The following TENM2 variants were observed in gnomAD, a reference collection of about 807,000 sequenced individuals.
TENM2 encodes teneurin transmembrane protein 2, also known as teneurin-2.
Under a neutral mutation model 245.2 loss-of-function variants are expected in TENM2, and 52 were observed. The ratio of observed to expected loss-of-function variants is 0.21; its 90% CI spans 0.17 to 0.27. The LOEUF (loss-of-function observed/expected upper bound fraction) is 0.27. Ranked by LOEUF, TENM2 falls within the 10% of genes least tolerant of loss-of-function variation. The pLI, the probability that TENM2 is intolerant of heterozygous loss-of-function variation, is 1.00. For missense variants in TENM2, 3,046 were observed against 3,666.8 expected (o/e 0.83, Z 4.37); for synonymous variants, 1,363 against 1,438.9 (o/e 0.95, Z 1.19).
At chr5:167,931,210 T>C (rs1303951950) in intron 3 of TENM2, among the ~76,000 whole-genome samples, 5 of 152,198 alleles carry the variant, frequency 3.3e-5, no homozygotes, top group African/African-American at 1.2e-4. Flanking sequence ...GAAAAATCTC[T>C]AGGAAAATAA....
At chr5:167,054,055 G>C in the TENM2 span, among the ~76,000 whole-genome samples, 1 of 152,098 alleles carries the variant, frequency 6.6e-6, no homozygotes, top group East Asian at 1.9e-4. Flanking sequence ...ATCATCCAAA[G>C]TCCATAGTTT....
the TENM2 span, among the ~76,000 whole-genome samples, chr5:167,143,558 T>G: frequency 6.6e-6 from 1 of 152,206 alleles, no homozygotes; most frequent in East Asian, 1.9e-4. Context: ...AGTAAACTCT[T>G]TCTTGTATGA....
chr5:168,006,534 T>C (rs1784833363), intron 5 of TENM2, among the ~76,000 whole-genome samples: 1 of 152,212 alleles, frequency 6.6e-6, no homozygotes, highest in South Asian at 2.1e-4. Flanking sequence ...ATTTAAAATA[T>C]AATTCCAAAT....
intron 2 of TENM2, among the ~76,000 whole-genome samples, chr5:167,763,300 G>C (rs1196179533): frequency 6.6e-6 from 1 of 152,130 alleles, no homozygotes; most frequent in African/African-American, 2.4e-5. Flanking sequence ...ACCATAGAGA[G>C]CACAACTTTT....
upstream of TENM2, among the ~76,000 whole-genome samples, chr5:167,282,646 T>C (rs1466443353): frequency 6.6e-6 from 1 of 152,160 alleles, no homozygotes; most frequent in East Asian, 1.9e-4. Flanking sequence ...AGAAACTGAG[T>C]TCAAAAGACC....
chr5:167,358,799 A>G (rs1759509147), intron 1 of TENM2, among the ~76,000 whole-genome samples: 1 of 125,018 alleles, frequency 8.0e-6, no homozygotes. Flanking sequence ...TGAAATTCTG[A>G]TCTGCACACA....
intron 2 of TENM2, among the ~76,000 whole-genome samples, chr5:167,409,232 G>T (rs750238953): frequency 7.9e-5 from 12 of 151,832 alleles, no homozygotes; most frequent in Non-Finnish European, 1.2e-4. Context: ...TTATTCTTAT[G>T]ATCAGGAGTA....
intron 2 of TENM2, among the ~76,000 whole-genome samples, chr5:167,380,317 T>C (rs994440252): frequency 1.3e-5 from 2 of 152,138 alleles, no homozygotes; most frequent in African/African-American, 4.8e-5. Context: ...GAATATCACA[T>C]TGTCACATGG....
chr5:167,870,552 T>G (rs1310692060), intron 2 of TENM2, among the ~76,000 whole-genome samples: 1 of 129,472 alleles, frequency 7.7e-6, no homozygotes, highest in Admixed American at 7.5e-5. Context: ...AGAATGTGTA[T>G]ACATATATAT....
intron 9 of TENM2, among the ~76,000 whole-genome samples, chr5:168,115,427 A>G (rs112959039): frequency 0.045 from 5,031 of 113,036 alleles, 232 homozygotes; most frequent in Non-Finnish European, 0.066. Flanking sequence ...AAGGAAGGAA[A>G]GAAAAAAAAA....
At chr5:168,004,506 TGCGC>T (rs760281726) in intron 5 of TENM2, among the ~76,000 whole-genome samples, 33 of 97,768 alleles carry the variant, frequency 3.4e-4, no homozygotes, top group Non-Finnish European at 6.1e-4. Context: ...GATGCACGCA[TGCGC>T]GCGCGCGCAC....
intron 5 of TENM2, among the ~76,000 whole-genome samples, chr5:168,033,586 G>A (rs1263601942): frequency 6.6e-6 from 1 of 152,144 alleles, no homozygotes; most frequent in Non-Finnish European, 1.5e-5. Context: ...TTTTTAGACA[G>A]AAGTTTTCAA....
intron 2 of TENM2, among the ~76,000 whole-genome samples, chr5:167,593,816 G>A (rs1776032318): frequency 6.6e-6 from 1 of 152,154 alleles, no homozygotes. Flanking sequence ...GTGGATCTTT[G>A]CATTTCTTTT....
At chr5:168,112,637 A>G (rs1241454468) in intron 9 of TENM2, among the ~76,000 whole-genome samples, 1 of 127,952 alleles carries the variant, frequency 7.8e-6, no homozygotes, top group Non-Finnish European at 1.7e-5. Context: ...TTACTTTTCT[A>G]CCAGATGGAT....
the TENM2 span, among the ~76,000 whole-genome samples, chr5:166,996,716 T>G: frequency 6.6e-6 from 1 of 152,238 alleles, no homozygotes; most frequent in Admixed American, 6.5e-5. Flanking sequence ...CTTAACTATG[T>G]GAACCAAGGA....
chr5:167,445,337 A>ATATATATAGG (rs1491215308), intron 2 of TENM2, among the ~76,000 whole-genome samples: 12 of 76,630 alleles, frequency 1.6e-4, no homozygotes, highest in African/African-American at 5.2e-4. Context: ...ATATATATAT[A>ATATATATAGG]GAGAGAGAGA....
the TENM2 span, among the ~76,000 whole-genome samples, chr5:167,221,890 A>G: frequency 1.3e-5 from 2 of 152,224 alleles, no homozygotes; most frequent in African/African-American, 4.8e-5. Flanking sequence ...TAGTTATTGT[A>G]GGTAAGTTGA....
chr5:167,078,822 G>T, the TENM2 span, among the ~76,000 whole-genome samples: 6 of 152,032 alleles, frequency 3.9e-5, no homozygotes, highest in Admixed American at 2.6e-4. Context: ...TGCAGTCATG[G>T]TCAATACAAT....
intron 2 of TENM2, among the ~76,000 whole-genome samples, chr5:167,630,630 T>C (rs1039436940): frequency 2.0e-5 from 3 of 152,222 alleles, no homozygotes; most frequent in Non-Finnish European, 4.4e-5. Flanking sequence ...GTGATTTTTA[T>C]GACTGTTGAT....
Sources: allele counts gnomAD v4.1 joint callset (sites outside exome capture counted in the v4.1 genomes callset), GRCh38; gene constraint gnomAD v4.1.1; transcripts MANE v1.5; gene names NCBI Gene and HGNC (gene_info 2026-07-23, HGNC 2026-07-21).